The following MYCBP2 variants were observed in gnomAD, a reference collection of about 807,000 sequenced individuals.
MYCBP2 encodes MYC binding protein 2.
MYCBP2 carries 120 observed loss-of-function variants against 525.3 expected under a neutral mutation model. That is an observed-to-expected ratio of 0.23 (90% CI 0.20 to 0.27). The LOEUF is 0.27. Among genes scored for constraint, MYCBP2 ranks in the 10% least tolerant of loss-of-function variants. The pLI is 1.00. For missense variants in MYCBP2, 4,149 were observed against 5,657.1 expected (o/e 0.73, Z 8.55); for synonymous variants, 1,894 against 1,955.8 (o/e 0.97, Z 0.83).
At position 77,176,532 on chromosome 13, in the gene MYCBP2, C is replaced by T. The variant is rs867992314; in HGVS notation, c.5437G>A (p.Ala1813Thr). 1.3e-6 allele frequency: 2 copies of T among 1,595,954 alleles called. No homozygotes were observed. The highest frequency in any genetic ancestry group is 1.7e-5 in the Admixed American group (1 of 59,748). Residue 1813 changes from alanine (A) to threonine (T), a missense_variant, in exon 36 of 83, where the codon GCT becomes ACT. By Grantham distance (58) the Ala-to-Thr change is moderately conservative. Around this residue, in one of 21 missense-constraint regions of MYCBP2, gnomAD observed 109 missense variants for 118.9 expected, o/e 0.92. Coordinates refer to ENST00000544440, the MANE Select transcript of MYCBP2 (RefSeq NM_015057.5). ...ACCACTTTGTCAAGTCTGATCTCAG[C>T]TATATCACTGGGTGAGTCATCCGTT... ...YTTDDSPSDI[A>T]EIRLDKVVPL...
rs2074319766 is a variant in MYCBP2, at chr13:77,267,824, G to T, written c.1357+17C>A. The stretch of plus-strand genomic sequence containing the variant: ...TTAAAATTGCTTGTGGAGAAAAAAT[G>T]ACTACTTGAAACATACCTGGTAACA... On this transcript the variant is annotated intron_variant, in intron 8 of 82. Coordinates refer to ENST00000544440, the MANE Select transcript of MYCBP2 (RefSeq NM_015057.5). 6.3e-7 allele frequency: 1 copy of T among 1,586,660 alleles called. No homozygotes were observed. Among genetic ancestry groups the T allele is most frequent in the South Asian group, 1.1e-5 (1 of 90,206 alleles).
At chr13:77,150,469 C>T (rs550559200) in intron 47 of MYCBP2, among the ~76,000 whole-genome samples, 1 of 152,110 alleles carries the variant, frequency 6.6e-6, no homozygotes, top group African/African-American at 2.4e-5. Context: ...TTCACAGGAA[C>T]TGAAACTCAG....
At chr13:77,237,425 G>A (rs921891947) in intron 17 of MYCBP2, among the ~76,000 whole-genome samples, 3 of 151,866 alleles carry the variant, frequency 2.0e-5, no homozygotes, top group Admixed American at 2.0e-4. Context: ...AGGGGGGGAT[G>A]GAAATGGGAA....
At chr13:77,075,531 C>A (rs900829890) in intron 68 of MYCBP2, 2 of 152,244 alleles carry the variant, frequency 1.3e-5, no homozygotes, top group African/African-American at 4.8e-5. Flanking sequence ...TAACTCCAGT[C>A]CAATATCCCC....
rs1191066089 is a variant in MYCBP2 at position 77,294,123 on chromosome 13, TATATATAC to T, written c.378+2468_378+2475del. Among the ~76,000 whole-genome samples the T allele has an allele frequency of 8.7e-4, 58 of 66,322 alleles. 1 individual carries two copies. The highest frequency in any genetic ancestry group is 2.6e-3 in the South Asian group (6 of 2,302). 43.5% of individuals were successfully genotyped at this position (66,322 alleles called of 152,430 possible). ...TAATGGCTATATATATATATATATA[TATATATAC>T]ATATATATATACATATATATAAAAT... On this transcript the variant is annotated intron_variant, in intron 2 of 82. Transcript: ENST00000544440.
chr13:77,144,477 G>A lies in MYCBP2; in HGVS notation c.7271C>T (p.Thr2424Ile). 2 of 1,613,450 alleles carry A rather than the reference G, an allele frequency of 1.2e-6. No individual in the cohort carries two copies. Among genetic ancestry groups the A allele is most frequent in the Non-Finnish European group, 1.7e-6 (2 of 1,179,434 alleles). The change falls in exon 49 of 83, where the codon ACT becomes ATT. Residue 2424 changes from threonine to isoleucine, a missense_variant. Physicochemically the swap from Thr to Ile is moderately conservative, Grantham distance 89. Coordinates refer to ENST00000544440, the MANE Select transcript of MYCBP2 (RefSeq NM_015057.5). The part of the protein sequence containing the change: ...NWTPGAIGLY[T>I]LHVTIDGIEI... ...AATGCCATCAATGGTAACATGAAGA[G>A]TGTAGAGTCCAATAGCCCCTGGAGT... is the stretch of plus-strand genomic sequence containing the variant.
At chr13:77,321,112 C>T (rs2081556991) in intron 1 of MYCBP2, among the ~76,000 whole-genome samples, 1 of 152,116 alleles carries the variant, frequency 6.6e-6, no homozygotes, top group South Asian at 2.1e-4. Context: ...TAACCTAACC[C>T]CTCCTCAGAA....
chr13:77,221,090 G>C (rs949301370), intron 20 of MYCBP2, among the ~76,000 whole-genome samples: 1 of 152,104 alleles, frequency 6.6e-6, no homozygotes, highest in African/African-American at 2.4e-5. Flanking sequence ...ACAGTTCCAG[G>C]TTCGATGACT....
intron 3 of MYCBP2, among the ~76,000 whole-genome samples, chr13:77,283,396 T>A (rs1366316644): frequency 1.3e-5 from 2 of 152,166 alleles, no homozygotes; most frequent in Non-Finnish European, 2.9e-5. Context: ...CTGGTTCTTA[T>A]CCCTACAAGA....
intron 7 of MYCBP2, among the ~76,000 whole-genome samples, chr13:77,268,762 A>C (rs2074448529): frequency 6.6e-6 from 1 of 152,062 alleles, no homozygotes; most frequent in Admixed American, 6.6e-5. Flanking sequence ...CTCAGCGACA[A>C]GAGCAAAACT....
chr13:77,267,195 T>C (rs911540728), intron 8 of MYCBP2, among the ~76,000 whole-genome samples: 5 of 151,900 alleles, frequency 3.3e-5, no homozygotes, highest in Non-Finnish European at 7.4e-5. Context: ...CCAGCATTCA[T>C]CAAAATTGGA....
chr13:77,212,289 T>C, intron 21 of MYCBP2, 129 bp from the exon 22 acceptor site: 1 of 701,164 alleles, frequency 1.4e-6, no homozygotes, highest in East Asian at 2.9e-5. Flanking sequence ...AGTTTGGGTT[T>C]TTAAAATAAA....
rs1197815955 is a variant in MYCBP2, at chr13:77,098,675, G to A, written c.8479C>T (p.Leu2827Phe). 2 of 1,613,624 alleles carry A rather than the reference G, an allele frequency of 1.2e-6. No homozygotes were observed. The highest frequency in any genetic ancestry group is 1.7e-5 in the Admixed American group (1 of 59,918). Residue 2827 changes from leucine to phenylalanine, a missense_variant, in exon 56 of 83, where the codon CTC (leucine) becomes TTC (phenylalanine). By Grantham distance (22) the Leu-to-Phe change is conservative. Transcript: ENST00000544440. ...SRLSSPKPKTLPANRSSPSGA... is the reference protein window; with the variant it reads ...SRLSSPKPKTFPANRSSPSGA... ...GATGGGCTAGACCTATTGGCTGGGA[G>A]AGTCTTTGGCTTAGGAGATGACAAC...
intron 63 of MYCBP2, 139 bp from the exon 64 acceptor site, chr13:77,082,132 A>T: frequency 1.4e-6 from 1 of 709,156 alleles, no homozygotes; most frequent in South Asian, 2.9e-5. Flanking sequence ...AATTCAGGGA[A>T]GAAAATCATT....
At chr13:77,070,830 A>C (rs2041093343) in intron 68 of MYCBP2, 119 bp from the exon 69 acceptor site, 4 of 571,168 alleles carry the variant, frequency 7.0e-6, no homozygotes, top group Non-Finnish European at 1.1e-5. Flanking sequence ...TTTTAAAGTA[A>C]ATTTATTTTA....
chr13:77,310,765 C>A (rs988415989), intron 1 of MYCBP2, among the ~76,000 whole-genome samples: 1 of 140,446 alleles, frequency 7.1e-6, no homozygotes, highest in Non-Finnish European at 1.6e-5. Context: ...CACAGAGACA[C>A]AGACGTGTGT....
chr13:77,293,520 A>G (rs986519894), intron 2 of MYCBP2, among the ~76,000 whole-genome samples: 1 of 152,202 alleles, frequency 6.6e-6, no homozygotes, highest in Admixed American at 6.5e-5. Context: ...AAAAACTTCT[A>G]TACCCTAATT....
chr13:77,249,635 T>C (rs1398033125), intron 15 of MYCBP2, among the ~76,000 whole-genome samples: 1 of 152,122 alleles, frequency 6.6e-6, no homozygotes, highest in Non-Finnish European at 1.5e-5. Flanking sequence ...CCTCAAGTGA[T>C]CCTCTGGCCT....
intron 52 of MYCBP2, among the ~76,000 whole-genome samples, chr13:77,131,675 GATT>G (rs1419942708): frequency 3.9e-5 from 6 of 152,218 alleles, no homozygotes; most frequent in African/African-American, 1.2e-4. Flanking sequence ...TAATTTCACA[GATT>G]ATTATAAGCA....
Sources: gnomAD v4.1 joint callset for allele counts (sites outside exome capture counted in the v4.1 genomes callset) on GRCh38, gnomAD v4.1.1 for gene constraint, gnomAD v4.1.1 regional missense constraint, MANE v1.5 for transcripts, NCBI Gene and HGNC (gene_info 2026-07-23, HGNC 2026-07-21) for gene names.